Variants in GUCA1B observed in about 807,000 individuals in gnomAD.
GUCA1B encodes the protein guanylate cyclase activator 1B, also known as guanylyl cyclase-activating protein 2.
A neutral mutation model predicts 24.2 loss-of-function variants in GUCA1B; 22 were observed. The observed-to-expected ratio is 0.91, with a 90% CI of 0.65 to 1.30. The LOEUF (loss-of-function observed/expected upper bound fraction) is 1.30. GUCA1B is among the 50% of genes most tolerant of loss of function. The pLI is 0.00. For synonymous variants in GUCA1B, 100 were observed against 97.9 expected, an observed-to-expected ratio of 1.02 and a Z score of -0.13; for missense variants, 221 against 258.8, an observed-to-expected ratio of 0.85 and a Z score of 1.00.
Position 42,194,719 on chromosome 6 carries a change from G to A in GUCA1B, c.102C>T (p.Ser34=), listed in dbSNP as rs151297895. The part of the protein sequence containing the change: ...WYKKFVMECP[S]GTLFMHEFKR... ...TAAACTCATGCATAAAGAGTGTGCC[G>A]CTGGGGCACTCCATCACAAACTTCT... The change falls in exon 1 of 4, where the codon AGC becomes AGT. Residue 34 remains serine (S), a synonymous_variant. Coordinates refer to ENST00000230361, the MANE Select transcript of GUCA1B (RefSeq NM_002098.6). 47 of 1,611,448 alleles carry A rather than the reference G, an allele frequency of 2.9e-5. No homozygotes were observed. Among genetic ancestry groups the A allele is most frequent in the South Asian group, 6.6e-5 (6 of 91,002 alleles).
rs1408240296 is a variant in GUCA1B, at chr6:42,194,555, CT to C, written c.207+58del. 33 of 1,062,352 alleles carry C rather than the reference CT, an allele frequency of 3.1e-5. No individual in the cohort carries two copies. In the Middle Eastern group the frequency reaches 6.5e-4, roughly 21 times the overall value. 65.8% of individuals were successfully genotyped at this position (1,062,352 alleles called of 1,614,324 possible). Reference sequence around the variant, plus strand: ...GAACTGGGAGCTCTCCCTGAGGACACTTGTGGAGGAAGGCGCCAGGTGGACT... The same window carrying C: ...GAACTGGGAGCTCTCCCTGAGGACACTGTGGAGGAAGGCGCCAGGTGGACT... On this transcript the variant is annotated intron_variant, in intron 1 of 3. Coordinates refer to ENST00000230361, the MANE Select transcript of GUCA1B (RefSeq NM_002098.6).
At chr6:42,186,174 A>T (rs182229856) in intron 2 of GUCA1B, among the ~76,000 whole-genome samples, 12 of 152,360 alleles carry the variant, frequency 7.9e-5, no homozygotes, top group Admixed American at 2.0e-4. Flanking sequence ...TATCTATATA[A>T]GTGTGCCTGT....
chr6:42,193,225 G>T (rs569628284), intron 1 of GUCA1B, among the ~76,000 whole-genome samples: 1 of 152,106 alleles, frequency 6.6e-6, no homozygotes, highest in Non-Finnish European at 1.5e-5. Context: ...AAGAGATGAG[G>T]TATAAGGAGT....
At position 42,185,004 on chromosome 6, in the gene GUCA1B, G is replaced by A; in HGVS notation, c.476-62C>T. On this transcript the variant is annotated intron_variant, in intron 3 of 3. Transcript: ENST00000230361. Reference sequence around the variant, plus strand: ...AGGGGAGACCTGGGTCTGGGGGCAGGAGGAGAGACCTCGCTCCCAGGATGC... The same window carrying A: ...AGGGGAGACCTGGGTCTGGGGGCAGAAGGAGAGACCTCGCTCCCAGGATGC... 2.6e-6 allele frequency: 4 copies of A among 1,548,296 alleles called. No homozygotes were observed. The South Asian group carries it at 4.5e-5, about 17-fold the overall frequency.
chr6:42,187,879 CT>C (rs1269988770), intron 2 of GUCA1B, among the ~76,000 whole-genome samples: 1 of 151,742 alleles, frequency 6.6e-6, no homozygotes, highest in Non-Finnish European at 1.5e-5. Flanking sequence ...CAGGTTCTTA[CT>C]TTGTTGCCCC....
chr6:42,193,753 C>T (rs373747072), intron 1 of GUCA1B, among the ~76,000 whole-genome samples: 39 of 152,272 alleles, frequency 2.6e-4, no homozygotes, highest in African/African-American at 9.4e-4. Context: ...AAGTGGCATT[C>T]CCAGTGATTC....
chr6:42,186,732 GC>G (rs1334090786), intron 2 of GUCA1B, among the ~76,000 whole-genome samples: 2 of 152,166 alleles, frequency 1.3e-5, no homozygotes, highest in African/African-American at 4.8e-5. Context: ...TCACTGCTCA[GC>G]CCAGTGCCCA....
chr6:42,185,735 G>T lies in GUCA1B; in HGVS notation c.420C>A (p.Leu140=), dbSNP rs1380190400. 1 of 1,613,426 alleles carries T rather than the reference G, an allele frequency of 6.2e-7. No individual in the cohort carries two copies. Among genetic ancestry groups the T allele is most frequent in the South Asian group, 1.1e-5 (1 of 91,080 alleles). ...TCCTGTCCACGACCTCCTCGGGTGT[G>T]AGCAGCTGGCCTTGCTCAGTTTGTA... is the stretch of plus-strand genomic sequence containing the variant. ...RELQTEQGQL[L]TPEEVVDRIF... The change falls in exon 3 of 4, where the codon CTC becomes CTA. Residue 140 remains leucine, a synonymous_variant. Coordinates refer to ENST00000230361, the MANE Select transcript of GUCA1B (RefSeq NM_002098.6).
intron 1 of GUCA1B, among the ~76,000 whole-genome samples, chr6:42,192,051 A>G (rs199501549): frequency 1.5e-3 from 54 of 36,118 alleles, no homozygotes; most frequent in Non-Finnish European, 2.2e-3. Flanking sequence ...AAAAAAAAAA[A>G]GAAAAAAAAA....
intron 2 of GUCA1B, among the ~76,000 whole-genome samples, chr6:42,187,326 G>C (rs971510540): frequency 6.6e-6 from 1 of 151,746 alleles, no homozygotes; most frequent in African/African-American, 2.4e-5. Context: ...GAATGGTCTC[G>C]ATCTCCTGAC....
chr6:42,186,600 A>AC (rs372319949), intron 2 of GUCA1B, among the ~76,000 whole-genome samples: 9,715 of 148,996 alleles, frequency 0.065, 372 homozygotes, highest in Admixed American at 0.12. Flanking sequence ...CTCAGAAAAA[A>AC]AAAAGAAAGA....
Position 42,184,614 on chromosome 6 carries a change from C to A in GUCA1B, c.*201G>T. 1 of 657,482 alleles carries A rather than the reference C, an allele frequency of 1.5e-6. No homozygotes were observed. Among genetic ancestry groups the A allele is most frequent in the Non-Finnish European group, 2.8e-6 (1 of 358,910 alleles). The allele number at this position is 657,482 out of a possible 1,614,324, so 40.7% of individuals were successfully genotyped here. A position where few individuals can be genotyped will look rare whatever the true frequency, so the allele number is the denominator to read the frequency against. ...AGTAACTGAATTCCCTTCACCATCC[C>A]AGGGACTCCTCCAAAATGGACTATG... On this transcript the variant is annotated 3_prime_UTR_variant, in exon 4 of 4. Transcript: ENST00000230361.
intron 3 of GUCA1B, 88 bp from the exon 4 acceptor site, chr6:42,185,030 G>T: frequency 1.6e-6 from 2 of 1,256,506 alleles, no homozygotes; most frequent in Non-Finnish European, 2.3e-6. Flanking sequence ...CCCAGGATGC[G>T]CCTACACGTC....
rs1327687395 is a variant in GUCA1B at position 42,183,976 on chromosome 6, G to A, written c.*839C>T. 6.6e-6 allele frequency among the ~76,000 whole-genome samples: 1 copy of A among 152,170 alleles called. No individual in the cohort carries two copies. Among genetic ancestry groups the A allele is most frequent in the Non-Finnish European group, 1.5e-5 (1 of 68,028 alleles). The stretch of plus-strand genomic sequence containing the variant: ...CATTTTTCCTGTTGACACCACTGGT[G>A]AGGATGCCTTGGGGAGGAGGAGGCC... On this transcript the variant is annotated 3_prime_UTR_variant, in exon 4 of 4. Transcript: ENST00000230361.
In GUCA1B at chr6:42,183,446, G is replaced by C. The variant is rs1768139510; in HGVS notation, c.*1369C>G. The stretch of plus-strand genomic sequence containing the variant: ...TTTGCTTTTTTCAGAGGTGCCTCCA[G>C]TTCCAGAGGGTACTCAGCTCCCCTT... On this transcript the variant is annotated 3_prime_UTR_variant, in exon 4 of 4. Transcript: ENST00000230361. Among the ~76,000 whole-genome samples, 1 of 152,138 alleles carries C rather than the reference G, an allele frequency of 6.6e-6. No individual in the cohort carries two copies. The highest frequency in any genetic ancestry group is 6.5e-5 in the Admixed American group (1 of 15,280).
At position 42,184,860 on chromosome 6, in the gene GUCA1B, G is replaced by A. The variant is rs769205997; in HGVS notation, c.558C>T (p.Pro186=). 6.2e-7 allele frequency: 1 copy of A among 1,614,138 alleles called. No homozygotes were observed. Among genetic ancestry groups the A allele is most frequent in the South Asian group, 1.1e-5 (1 of 91,088 alleles). The stretch of plus-strand genomic sequence containing the variant: ...GTCTCTGCTGAGCGAGCCAGCTGCT[G>A]GGATTCATGTCCATCTGCAGCATCT... The part of the protein sequence containing the change: ...VMKMLQMDMN[P]SSWLAQQRRK... The change falls in exon 4 of 4, where the codon CCC becomes CCT. Residue 186 remains proline, a synonymous_variant. Coordinates refer to ENST00000230361, the MANE Select transcript of GUCA1B (RefSeq NM_002098.6).
At chr6:42,192,781 C>T (rs950049576) in intron 1 of GUCA1B, among the ~76,000 whole-genome samples, 1 of 152,024 alleles carries the variant, frequency 6.6e-6, no homozygotes, top group African/African-American at 2.4e-5. Flanking sequence ...ATCCCAGCTA[C>T]TTGAGAGGTT....
chr6:42,188,795 C>T (rs1748034638), intron 1 of GUCA1B, 64 bp from the exon 2 acceptor site: 4 of 1,492,588 alleles, frequency 2.7e-6, no homozygotes, highest in Admixed American at 3.8e-5. Context: ...GCCATTCATC[C>T]CTGCAAACAC....
chr6:42,184,354 G>A lies in GUCA1B; in HGVS notation c.*461C>T, dbSNP rs1158441932. On this transcript the variant is annotated 3_prime_UTR_variant, in exon 4 of 4. Coordinates refer to ENST00000230361, the MANE Select transcript of GUCA1B (RefSeq NM_002098.6). ...GATCTGCCCGCCTCGGCCTCCCAAA[G>A]TGCTGGGATTACAGGCGTGAGCCAC... 3 of 239,886 alleles carry A rather than the reference G, an allele frequency of 1.3e-5. No homozygotes were observed. Among genetic ancestry groups the A allele is most frequent in the Non-Finnish European group, 2.5e-5 (3 of 118,730 alleles). 14.9% of individuals were successfully genotyped at this position (239,886 alleles called of 1,614,324 possible). A position where few individuals can be genotyped will look rare whatever the true frequency, so the allele number is the denominator to read the frequency against.
Sources: allele counts gnomAD v4.1 joint callset (sites outside exome capture counted in the v4.1 genomes callset), GRCh38; gene constraint gnomAD v4.1.1; transcripts MANE v1.5; gene names NCBI Gene and HGNC (gene_info 2026-07-23, HGNC 2026-07-21).